The following CSPP1 variants were observed in gnomAD, a reference collection of about 807,000 sequenced individuals.
CSPP1 encodes the protein centrosome and spindle pole associated protein 1, also known as centrosome and spindle pole-associated protein 1.
In CSPP1, 126 loss-of-function variants were observed where a neutral mutation model predicts 164.4. That is an observed-to-expected ratio of 0.77 (90% CI 0.66 to 0.89). The LOEUF (loss-of-function observed/expected upper bound fraction) is 0.89, where lower values mean the gene tolerates loss of function less well. Ranked by LOEUF, CSPP1 falls within the 40% of genes least tolerant of loss-of-function variation. The pLI is 0.00. For synonymous variants in CSPP1, 472 were observed against 476.7 expected (o/e 0.99, Z 0.13); for missense variants, 1,395 against 1,449.8 (o/e 0.96, Z 0.61).
chr8:67,137,657 T>C (rs931764059), intron 17 of CSPP1, 54 bp downstream of exon 17: 2 of 1,279,394 alleles, frequency 1.6e-6, no homozygotes, highest in African/African-American at 3.1e-5. Context: ...TTTTTAACTT[T>C]TTAAAAGATT....
At chr8:67,104,966 A>ATTTTT in intron 8 of CSPP1, among the ~76,000 whole-genome samples, 1 of 60,740 alleles carries the variant, frequency 1.6e-5, no homozygotes, top group Non-Finnish European at 3.0e-5. Flanking sequence ...ATATATATAT[A>ATTTTT]TTTTTTTTTT....
chr8:67,086,884 C>A, intron 4 of CSPP1: 4 of 1,143,980 alleles, frequency 3.5e-6, no homozygotes, highest in Non-Finnish European at 4.6e-6. Flanking sequence ...TCAGTTTTTT[C>A]TTTCTTTTTT....
chr8:67,141,663 A>T (rs1355024332), intron 17 of CSPP1, among the ~76,000 whole-genome samples: 1 of 152,222 alleles, frequency 6.6e-6, no homozygotes, highest in Non-Finnish European at 1.5e-5. Flanking sequence ...CTGGGATTAC[A>T]GGCATGTGCC....
chr8:67,194,167 C>T (rs979051696), intron 30 of CSPP1, among the ~76,000 whole-genome samples: 2 of 151,992 alleles, frequency 1.3e-5, no homozygotes, highest in Admixed American at 6.5e-5. Flanking sequence ...ACCCTGCCAG[C>T]CCTACACCAC....
chr8:67,190,888 G>C, intron 29 of CSPP1, 129 bp downstream of exon 29: 1 of 672,788 alleles, frequency 1.5e-6, no homozygotes. Context: ...CTGAATCTAG[G>C]CTCTGCCTTG....
At chr8:67,180,243 G>A (rs1180926717) in intron 28 of CSPP1, among the ~76,000 whole-genome samples, 1 of 152,154 alleles carries the variant, frequency 6.6e-6, no homozygotes, top group Non-Finnish European at 1.5e-5. Context: ...GTACATCCAT[G>A]CCATGGAATA....
At chr8:67,101,790 C>T (rs1045846651) in intron 7 of CSPP1, among the ~76,000 whole-genome samples, 1 of 152,042 alleles carries the variant, frequency 6.6e-6, no homozygotes, top group South Asian at 2.1e-4. Context: ...GGAAAATTGC[C>T]ATTTTTCTTA....
At chr8:67,098,577 T>G (rs1421395992) in intron 7 of CSPP1, among the ~76,000 whole-genome samples, 1 of 151,592 alleles carries the variant, frequency 6.6e-6, no homozygotes, top group Non-Finnish European at 1.5e-5. Flanking sequence ...GCATTCTGTG[T>G]GTGTATGTGT....
At chr8:67,109,251 T>C (rs1237687421) in intron 9 of CSPP1, among the ~76,000 whole-genome samples, 1 of 152,212 alleles carries the variant, frequency 6.6e-6, no homozygotes, top group African/African-American at 2.4e-5. Context: ...CCTGGCTTCT[T>C]ACTGGATACC....
Position 67,104,787 on chromosome 8 carries a change from G to A in CSPP1, c.1023-1118G>A, listed in dbSNP as rs532474708. ...CGAGTAGCTGGGATTAGAGGCGTGT[G>A]TCACCACGCCTGGCTAATTTTTTTG... On this transcript the variant is annotated intron_variant, in intron 8 of 30. Transcript: ENST00000678616. Among the ~76,000 whole-genome samples the A allele has an allele frequency of 2.0e-5, 3 of 150,488 alleles. 1 individual carries two copies. The highest frequency in any genetic ancestry group is 4.2e-4 in the South Asian group (2 of 4,780).
chr8:67,153,316 A>G (rs1353332637), intron 18 of CSPP1, among the ~76,000 whole-genome samples: 1 of 152,150 alleles, frequency 6.6e-6, no homozygotes, highest in Non-Finnish European at 1.5e-5. Context: ...ATTTTTTCCC[A>G]TCTGCATTCA....
At chr8:67,168,369 T>C (rs190799740) in intron 24 of CSPP1, among the ~76,000 whole-genome samples, 3 of 151,988 alleles carry the variant, frequency 2.0e-5, no homozygotes, top group Admixed American at 2.0e-4. Context: ...CTAACGGTTT[T>C]TTGACATTAA....
intron 30 of CSPP1, among the ~76,000 whole-genome samples, chr8:67,194,495 A>G (rs1236750061): frequency 6.6e-6 from 1 of 152,178 alleles, no homozygotes; most frequent in Non-Finnish European, 1.5e-5. Flanking sequence ...GCTATAAGGC[A>G]TTTTCTTTTA....
chr8:67,067,715 G>A (rs1056265530), intron 1 of CSPP1, among the ~76,000 whole-genome samples: 4 of 151,704 alleles, frequency 2.6e-5, no homozygotes, highest in Non-Finnish European at 5.9e-5. Flanking sequence ...CGCCCGCCTC[G>A]GCCTCCCAAA....
intron 5 of CSPP1, among the ~76,000 whole-genome samples, 182 bp from the exon 6 acceptor site, chr8:67,093,361 A>C (rs900461210): frequency 6.6e-6 from 1 of 152,194 alleles, no homozygotes; most frequent in African/African-American, 2.4e-5. Flanking sequence ...GTGTGTCCTC[A>C]AACCTCTTCC....
chr8:67,142,671 G>T (rs1011802879), intron 17 of CSPP1, among the ~76,000 whole-genome samples: 16 of 152,162 alleles, frequency 1.1e-4, no homozygotes, highest in African/African-American at 3.1e-4. Flanking sequence ...TATTTCTTTT[G>T]GGTAAGTGCC....
At chr8:67,151,066 G>A (rs1825608354) in intron 18 of CSPP1, among the ~76,000 whole-genome samples, 1 of 152,182 alleles carries the variant, frequency 6.6e-6, no homozygotes, top group Non-Finnish European at 1.5e-5. Context: ...TGTGATTAGA[G>A]TCATAGCCCT....
intron 9 of CSPP1, among the ~76,000 whole-genome samples, chr8:67,108,530 G>A (rs113848668): frequency 0.036 from 5,455 of 152,088 alleles, 204 homozygotes; most frequent in African/African-American, 0.082. Context: ...CTTGTCCTTC[G>A]TGTGAGGCCT....
chr8:67,083,561 A>G (rs1401144173), intron 3 of CSPP1: 3 of 143,874 alleles, frequency 2.1e-5, no homozygotes, highest in Non-Finnish European at 3.0e-5. Flanking sequence ...ATATATATAT[A>G]TATATATATA....
Sources: allele counts gnomAD v4.1 joint callset (sites outside exome capture counted in the v4.1 genomes callset), GRCh38; gene constraint gnomAD v4.1.1; transcripts MANE v1.5; gene names NCBI Gene and HGNC (gene_info 2026-07-23, HGNC 2026-07-21).